The following SCN3A variants were observed in gnomAD, a reference collection of about 807,000 sequenced individuals.
The protein encoded by SCN3A is sodium voltage-gated channel alpha subunit 3.
A neutral mutation model predicts 187.6 loss-of-function variants in SCN3A; 60 were observed. That is an observed-to-expected ratio of 0.32 (90% CI 0.26 to 0.40). The LOEUF (loss-of-function observed/expected upper bound fraction) is 0.40. SCN3A is among the 10% of genes least tolerant of loss of function. SCN3A has a pLI of 1.00. For synonymous variants in SCN3A, 788 were observed against 829.2 expected (o/e 0.95, Z 0.85); for missense variants, 1,601 against 2,428.2 (o/e 0.66, Z 7.16).
intron 18 of SCN3A, among the ~76,000 whole-genome samples, chr2:165,126,815 C>T (rs1228285211): frequency 1.3e-5 from 2 of 152,108 alleles, no homozygotes; most frequent in African/African-American, 2.4e-5. Flanking sequence ...TAGATCTGCT[C>T]ATCCTTGACT....
chr2:165,130,357 T>C (rs935191843), intron 16 of SCN3A, 61 bp from the exon 17 acceptor site: 1 of 1,550,528 alleles, frequency 6.4e-7, no homozygotes, highest in Non-Finnish European at 8.9e-7. Context: ...GACATTATTT[T>C]ATTAGTATGT....
intron 11 of SCN3A, among the ~76,000 whole-genome samples, chr2:165,149,121 G>A (rs1333952280): frequency 1.3e-5 from 2 of 151,798 alleles, no homozygotes; most frequent in African/African-American, 4.8e-5. Context: ...AAAGGAAGTG[G>A]TGGTAATAGT....
chr2:165,096,377 TAGAATTTTG>T, intron 24 of SCN3A, 81 bp downstream of exon 24: 1 of 960,598 alleles, frequency 1.0e-6, no homozygotes, highest in Non-Finnish European at 1.7e-6. Flanking sequence ...TGTTCTAATA[TAGAATTTTG>T]GATGTATCAG....
intron 12 of SCN3A, among the ~76,000 whole-genome samples, chr2:165,145,725 C>T (rs747630162): frequency 3.3e-5 from 5 of 151,270 alleles, no homozygotes; most frequent in Non-Finnish European, 7.4e-5. Context: ...TATATCATAC[C>T]CCTTGGTTGA....
Position 165,131,418 on chromosome 2 carries a change from C to T in SCN3A, c.2392-1G>A. 6.2e-7 allele frequency: 1 copy of T among 1,602,218 alleles called. No individual in the cohort carries two copies. The highest frequency in any genetic ancestry group is 8.5e-7 in the Non-Finnish European group (1 of 1,172,842). On this transcript the variant is annotated splice_acceptor_variant, in intron 15 of 27. Transcript: ENST00000283254. LOFTEE classifies it high-confidence loss of function. ...CTGCTGTGAAAATCCCAGTAAAGAC[C>T]TAAAAAATAGAGATCAGCACTACTT...
intron 21 of SCN3A, 107 bp from the exon 22 acceptor site, chr2:165,100,531 A>T: frequency 8.7e-7 from 1 of 1,151,844 alleles, no homozygotes; most frequent in South Asian, 1.3e-5. Flanking sequence ...ATTTGGACAT[A>T]CCTTGGCAAC....
intron 25 of SCN3A, among the ~76,000 whole-genome samples, chr2:165,094,930 T>C (rs1285183535): frequency 6.6e-6 from 1 of 152,180 alleles, no homozygotes; most frequent in African/African-American, 2.4e-5. Flanking sequence ...GGACAGTGTA[T>C]GTTGATATGA....
intron 15 of SCN3A, among the ~76,000 whole-genome samples, chr2:165,135,083 G>C (rs952007662): frequency 2.0e-5 from 3 of 151,914 alleles, no homozygotes; most frequent in African/African-American, 7.2e-5. Flanking sequence ...ATTGTTTTTG[G>C]TACATTTTAA....
intron 1 of SCN3A, among the ~76,000 whole-genome samples, chr2:165,191,131 A>G (rs1283510552): frequency 6.9e-6 from 1 of 144,948 alleles, no homozygotes; most frequent in Non-Finnish European, 1.5e-5. Context: ...GCAGTTTCTT[A>G]AAGATGACAA....
chr2:165,109,063 C>T (rs1452942701), intron 21 of SCN3A, among the ~76,000 whole-genome samples: 2 of 152,114 alleles, frequency 1.3e-5, no homozygotes, highest in Non-Finnish European at 2.9e-5. Context: ...TCACTGTAGC[C>T]TTTGATAAAA....
At chr2:165,156,497 A>G (rs189466814) in intron 9 of SCN3A, among the ~76,000 whole-genome samples, 1,813 of 116,582 alleles carry the variant, frequency 0.016, 48 homozygotes, top group African/African-American at 0.056. Context: ...TGGGTGACAG[A>G]GCGAGACTCT....
intron 1 of SCN3A, among the ~76,000 whole-genome samples, chr2:165,187,396 T>A (rs1490220708): frequency 6.6e-6 from 1 of 152,190 alleles, no homozygotes; most frequent in African/African-American, 2.4e-5. Flanking sequence ...AAACCAATAA[T>A]AATAATTTCA....
At chr2:165,110,692 C>A (rs1236112723) in intron 21 of SCN3A, among the ~76,000 whole-genome samples, 1 of 152,162 alleles carries the variant, frequency 6.6e-6, no homozygotes, top group Non-Finnish European at 1.5e-5. Flanking sequence ...ATGTATTTAA[C>A]CCCTGCTTTG....
rs534513013 is a variant in SCN3A at position 165,113,951 on chromosome 2, T to G, written c.3534A>C (p.Pro1178=). The G allele has an allele frequency of 2.5e-6, 4 of 1,604,928 alleles. No individual in the cohort carries two copies. Among genetic ancestry groups the G allele is most frequent in the African/African-American group, 1.3e-5 (1 of 74,736 alleles). The change falls in exon 20 of 28, where the codon CCA becomes CCC. Residue 1178 remains proline, a synonymous_variant. Coordinates refer to ENST00000283254, the MANE Select transcript of SCN3A (RefSeq NM_006922.4). ...CTTCTTCTGTACTTACTTGACAGAATGGAAACTTTTTAATACATCCTAAAA... is the reference window on the plus strand; with the variant it reads ...CTTCTTCTGTACTTACTTGACAGAAGGGAAACTTTTTAATACATCCTAAAA... ...CFTEGCIKKF[P]FCQVSTEEGK... is the part of the protein sequence containing the mutation.
intron 16 of SCN3A, 117 bp from the exon 17 acceptor site, chr2:165,130,413 C>G: frequency 9.6e-7 from 1 of 1,038,278 alleles, no homozygotes; most frequent in Non-Finnish European, 1.5e-6. Flanking sequence ...TCAAAATATA[C>G]TGAACTGATT....
rs1295827235 is a variant in SCN3A, at chr2:165,140,711, C to A, written c.1959G>T (p.Val653=). 6.2e-7 allele frequency: 1 copy of A among 1,613,868 alleles called. No homozygotes were observed. The highest frequency in any genetic ancestry group is 8.5e-7 in the Non-Finnish European group (1 of 1,180,004). The change falls in exon 13 of 28, where the codon GTG becomes GTT. Residue 653 remains valine, a synonymous_variant. Coordinates refer to ENST00000283254, the MANE Select transcript of SCN3A (RefSeq NM_006922.4). This position sits in a 1 kb window ranked among gnomAD's most constrained non-coding sequence, Gnocchi z 4.2. Reference sequence around the variant, plus strand: ...CTGAAGGTCCACCCACCAAGGAAACCACACCATTGCAATCCACAGTGCTGT... The same window carrying A: ...CTGAAGGTCCACCCACCAAGGAAACAACACCATTGCAATCCACAGTGCTGT... ...KMHSTVDCNG[V]VSLVGGPSAL...
At chr2:165,176,875 C>T (rs772515736) in intron 2 of SCN3A, among the ~76,000 whole-genome samples, 4 of 152,100 alleles carry the variant, frequency 2.6e-5, no homozygotes, top group Non-Finnish European at 4.4e-5. Context: ...CTGCATCCTG[C>T]CCCCCGCCTT....
Position 165,097,444 on chromosome 2 carries a change from A to G in SCN3A, c.4047T>C (p.Phe1349=), listed in dbSNP as rs777376986. The G allele has an allele frequency of 2.5e-6, 4 of 1,614,168 alleles. No individual in the cohort carries two copies. The highest frequency in any genetic ancestry group is 3.4e-6 in the Non-Finnish European group (4 of 1,180,002). The part of the protein sequence containing the change: ...LLVCLIFWLI[F]SIMGVNLFAG... The stretch of plus-strand genomic sequence containing the variant: ...CAAACAAATTCACACCCATGATGCT[A>G]AAGATCAACCAGAAGATGAGACAGA... The change falls in exon 23 of 28, where the codon TTT becomes TTC. Residue 1349 remains phenylalanine, a synonymous_variant. Transcript: ENST00000283254.
Position 165,140,954 on chromosome 2 carries a change from A to G in SCN3A, c.1716T>C (p.Asn572=), listed in dbSNP as rs760275348. Residue 572 remains asparagine (N), a synonymous_variant, in exon 13 of 28, where the codon AAT becomes AAC. Coordinates refer to ENST00000283254, the MANE Select transcript of SCN3A (RefSeq NM_006922.4). The surrounding 1 kb of genome is among the most constrained non-coding windows in gnomAD (Gnocchi z 4.2). ...IRGSLFSPRR[N]SKTSIFSFRG... The stretch of plus-strand genomic sequence containing the variant: ...TGAAACTGAAAATGCTTGTTTTGCT[A>G]TTGCGTCTTGGGGAAAACAGGGAGC... 3.1e-6 allele frequency: 5 copies of G among 1,614,016 alleles called. No homozygotes were observed. The highest frequency in any genetic ancestry group is 2.2e-5 in the East Asian group (1 of 44,872).
Sources: gnomAD v4.1 joint callset for allele counts (sites outside exome capture counted in the v4.1 genomes callset) on GRCh38, gnomAD v4.1.1 for gene constraint, Gnocchi (gnomAD v3.1) non-coding constraint, MANE v1.5 for transcripts, NCBI Gene and HGNC (gene_info 2026-07-23, HGNC 2026-07-21) for gene names.